Variants in ZNF578 observed in about 807,000 individuals in gnomAD.
ZNF578 encodes Putative chemokine-related protein B42.
Under a neutral mutation model 8.3 loss-of-function variants are expected in ZNF578, and 8 were observed. That is an observed-to-expected ratio of 0.96 (90% CI 0.56 to 1.74). The LOEUF (loss-of-function observed/expected upper bound fraction) is 1.74. ZNF578 is among the 40% of genes most tolerant of loss of function. The probability of loss-of-function intolerance (pLI) is 0.00; values close to 1 mark genes in which losing one functional copy is unlikely to be tolerated. For synonymous variants in ZNF578, 206 were observed against 232.2 expected (o/e 0.89, Z 1.03); for missense variants, 726 against 707.5 (o/e 1.03, Z -0.30).
chr19:52,516,667 C>G lies in ZNF578; in HGVS notation c.*4513C>G, dbSNP rs1322437986. ...GACTGATCAATGTGCTTTGTAATCT[C>G]CCCCACCCTTCAGAAGGCTCTTTGT... On this transcript the variant is annotated 3_prime_UTR_variant, in exon 6 of 6. Transcript: ENST00000421239. Among the ~76,000 whole-genome samples the G allele has an allele frequency of 6.6e-6, 1 of 152,142 alleles. No homozygotes were observed. The highest frequency in any genetic ancestry group is 1.5e-5 in the Non-Finnish European group (1 of 68,026).
Position 52,511,595 on chromosome 19 carries a change from G to C in ZNF578, c.1214G>C (p.Gly405Ala), listed in dbSNP as rs764213090. The C allele has an allele frequency of 1.2e-6, 2 of 1,612,922 alleles. No homozygotes were observed. The highest frequency in any genetic ancestry group is 1.7e-6 in the Non-Finnish European group (2 of 1,179,152). The change falls in exon 6 of 6, where the codon GGC becomes GCC. Residue 405 changes from glycine to alanine, a missense_variant. By Grantham distance (60) the Gly-to-Ala change is moderately conservative (BLOSUM62 0). Coordinates refer to ENST00000421239, the MANE Select transcript of ZNF578 (RefSeq NM_001099694.2). ...GEKPYKCNECGKAFNQQSHLS... is the reference protein window; with the variant it reads ...GEKPYKCNECAKAFNQQSHLS... ...AAACCTTACAAGTGTAATGAATGTG[G>C]CAAGGCTTTTAATCAACAATCACAC...
At chr19:52,489,877 CTA>C (rs1326573482) in intron 2 of ZNF578, among the ~76,000 whole-genome samples, 1 of 152,040 alleles carries the variant, frequency 6.6e-6, no homozygotes, top group African/African-American at 2.4e-5. Flanking sequence ...AGGATGATCT[CTA>C]TCTCCTGACC....
intron 5 of ZNF578, 98 bp from the exon 6 acceptor site, chr19:52,510,473 GT>G: frequency 7.2e-7 from 1 of 1,381,534 alleles, no homozygotes. Flanking sequence ...TGTTTGGGAA[GT>G]TTAAAATAAG....
intron 3 of ZNF578, among the ~76,000 whole-genome samples, chr19:52,492,394 C>G (rs983129897): frequency 2.0e-5 from 3 of 152,122 alleles, no homozygotes; most frequent in Non-Finnish European, 2.9e-5. Flanking sequence ...CACTCAGTCC[C>G]GCATCCCAGG....
intron 3 of ZNF578, among the ~76,000 whole-genome samples, chr19:52,492,207 G>A (rs912092847): frequency 9.4e-5 from 14 of 149,178 alleles, no homozygotes; most frequent in Middle Eastern, 7.0e-3. Flanking sequence ...GAGAGACGAG[G>A]AAGGGAGCCC....
intron 5 of ZNF578, among the ~76,000 whole-genome samples, chr19:52,505,615 G>A (rs759532170): frequency 8.6e-5 from 13 of 151,704 alleles, no homozygotes; most frequent in South Asian, 2.1e-4. Flanking sequence ...TAGTAGAGAC[G>A]GGGTTTCACC....
At chr19:52,509,403 G>A (rs1167747774) in intron 5 of ZNF578, among the ~76,000 whole-genome samples, 1 of 151,972 alleles carries the variant, frequency 6.6e-6, no homozygotes, top group Non-Finnish European at 1.5e-5. Context: ...TTTTATCATG[G>A]GTTACAATAT....
intron 2 of ZNF578, among the ~76,000 whole-genome samples, chr19:52,460,819 T>C (rs2059255547): frequency 6.6e-6 from 1 of 152,190 alleles, no homozygotes; most frequent in African/African-American, 2.4e-5. Flanking sequence ...ATTGAGATGA[T>C]GGCATTGTTT....
intron 3 of ZNF578, among the ~76,000 whole-genome samples, 181 bp downstream of exon 3, chr19:52,491,606 T>C (rs890104951): frequency 4.0e-5 from 6 of 151,356 alleles, no homozygotes; most frequent in African/African-American, 1.2e-4. Context: ...TACCAGATAC[T>C]CCAAAGGCTG....
chr19:52,487,045 C>CA (rs1228312110), intron 2 of ZNF578, among the ~76,000 whole-genome samples: 1 of 151,792 alleles, frequency 6.6e-6, no homozygotes, highest in Non-Finnish European at 1.5e-5. Flanking sequence ...GTAATGAAGA[C>CA]AGAGGGGCTG....
intron 2 of ZNF578, among the ~76,000 whole-genome samples, chr19:52,488,912 T>C (rs940766467): frequency 6.6e-6 from 1 of 152,008 alleles, no homozygotes; most frequent in African/African-American, 2.4e-5. Flanking sequence ...CTGGCCTACA[T>C]GGTGAAACCC....
At position 52,512,448 on chromosome 19, in the gene ZNF578, A is replaced by T; in HGVS notation, c.*294A>T. The T allele has an allele frequency of 7.2e-7, 1 of 1,381,008 alleles. No individual in the cohort carries two copies. Among genetic ancestry groups the T allele is most frequent in the Non-Finnish European group, 1.0e-6 (1 of 979,596 alleles). The allele number at this position is 1,381,008 out of a possible 1,614,324, so 85.5% of individuals were successfully genotyped here. ...CTTCCGAGTGTAATAAATGTGGCAA[A>T]TTTTTCAGACATCGTTCATACCTTG... On this transcript the variant is annotated 3_prime_UTR_variant, in exon 6 of 6. Transcript: ENST00000421239.
intron 2 of ZNF578, among the ~76,000 whole-genome samples, chr19:52,484,207 T>C (rs1327428372): frequency 2.0e-5 from 3 of 152,244 alleles, no homozygotes; most frequent in Non-Finnish European, 1.5e-5. Flanking sequence ...AAGAGCAGTA[T>C]TGCTGCCAGC....
At chr19:52,479,632 G>A (rs1413271628) in intron 2 of ZNF578, among the ~76,000 whole-genome samples, 1 of 150,786 alleles carries the variant, frequency 6.6e-6, no homozygotes, top group African/African-American at 2.4e-5. Flanking sequence ...TTATGGTTTT[G>A]ACATTTTGGG....
chr19:52,465,587 G>A (rs1013698903), intron 2 of ZNF578, among the ~76,000 whole-genome samples: 3 of 152,128 alleles, frequency 2.0e-5, no homozygotes, highest in African/African-American at 7.2e-5. Context: ...TTCTTTTAAG[G>A]TCCTTTCCAA....
chr19:52,493,491 C>G (rs1461853255), intron 3 of ZNF578, among the ~76,000 whole-genome samples: 2 of 152,118 alleles, frequency 1.3e-5, no homozygotes, highest in African/African-American at 4.8e-5. Flanking sequence ...ACTCCAAACC[C>G]GCAGAGTTTT....
Position 52,512,345 on chromosome 19 carries a change from A to G in ZNF578, c.*191A>G, listed in dbSNP as rs1486902911. On this transcript the variant is annotated 3_prime_UTR_variant, in exon 6 of 6. Transcript: ENST00000421239. ...ATTCATGGTGTAGGGAAACTTGACT[A>G]ATGTAATGATTGTCACAAAGTCTTC... is the stretch of plus-strand genomic sequence containing the variant. 2 of 1,523,802 alleles carry G rather than the reference A, an allele frequency of 1.3e-6. No individual in the cohort carries two copies. Among genetic ancestry groups the G allele is most frequent in the Non-Finnish European group, 1.8e-6 (2 of 1,098,944 alleles). 94.4% of individuals were successfully genotyped at this position (1,523,802 alleles called of 1,614,324 possible).
chr19:52,478,012 G>A (rs186232064), intron 2 of ZNF578, among the ~76,000 whole-genome samples: 1 of 152,314 alleles, frequency 6.6e-6, no homozygotes, highest in Non-Finnish European at 1.5e-5. Context: ...GTCTGGGAGT[G>A]CCATTTGATG....
intron 2 of ZNF578, among the ~76,000 whole-genome samples, chr19:52,487,333 G>C (rs2059349197): frequency 6.6e-6 from 1 of 152,170 alleles, no homozygotes; most frequent in Admixed American, 6.5e-5. Flanking sequence ...TTTGGGTTTA[G>C]ATGAGTGGGT....
Sources: gnomAD v4.1 joint callset for allele counts (sites outside exome capture counted in the v4.1 genomes callset) on GRCh38, gnomAD v4.1.1 for gene constraint, MANE v1.5 for transcripts, NCBI Gene and HGNC (gene_info 2026-07-23, HGNC 2026-07-21) for gene names.